DDX6: variants seen among roughly 807,000 people sequenced by gnomAD.
DDX6 encodes DEAD-box helicase 6.
DDX6 carries 7 observed loss-of-function variants against 60.6 expected under a neutral mutation model. The observed-to-expected ratio is 0.12, with a 90% CI of 0.07 to 0.22. DDX6 has a LOEUF of 0.22. DDX6 is among the 10% of genes least tolerant of loss of function. DDX6 has a pLI of 1.00. For synonymous variants in DDX6, 207 were observed against 201.0 expected (o/e 1.03, Z -0.25); for missense variants, 270 against 589.9 (o/e 0.46, Z 5.62).
At chr11:118,775,269 GCACACCATTGCACT>G (rs1397233302) in intron 4 of DDX6, among the ~76,000 whole-genome samples, 15 of 152,044 alleles carry the variant, frequency 9.9e-5, no homozygotes, top group African/African-American at 3.6e-4. Context: ...TAAGCCGAGA[GCACACCATTGCACT>G]CCAGCCTGAG....
Position 118,750,750 on chromosome 11 carries a change from G to A in DDX6, c.*1355C>T, listed in dbSNP as rs1860731748. On this transcript the variant is annotated 3_prime_UTR_variant, in exon 14 of 14. Coordinates refer to ENST00000534980, the MANE Select transcript of DDX6 (RefSeq NM_004397.6). ...AATATTCCTCAAACTTTTAGAAAGG[G>A]GGAAGAAGCAAAATCAGAGCTTCTC... The A allele has an allele frequency of 6.6e-6, 1 of 152,056 alleles. No individual in the cohort carries two copies. The highest frequency in any genetic ancestry group is 1.5e-5 in the Non-Finnish European group (1 of 68,010). The allele number at this position is 152,056 out of a possible 1,614,324, so 9.4% of individuals were successfully genotyped here.
At chr11:118,769,372 A>G (rs529717) in intron 4 of DDX6, among the ~76,000 whole-genome samples, 131,393 of 152,190 alleles carry the variant, frequency 0.86, 56,915 homozygotes, top group East Asian at 1. Context: ...TCTCTATTGA[A>G]GGTTCAATTC....
chr11:118,772,833 G>A (rs1360216475), intron 4 of DDX6, among the ~76,000 whole-genome samples: 5 of 152,090 alleles, frequency 3.3e-5, no homozygotes, highest in Non-Finnish European at 7.4e-5. Flanking sequence ...TTCCTTCTAA[G>A]GAATTACATA....
chr11:118,758,741 G>A lies in DDX6; in HGVS notation c.993+33C>T, dbSNP rs1565562410. 5.6e-6 allele frequency: 9 copies of A among 1,610,626 alleles called. No homozygotes were observed. In the South Asian group the frequency reaches 8.8e-5, roughly 16 times the overall value. On this transcript the variant is annotated intron_variant, in intron 9 of 13. Coordinates refer to ENST00000534980, the MANE Select transcript of DDX6 (RefSeq NM_004397.6). ...TCATCTGTTTTACTGGGACTCGAGAGATAATATTCAACAGCAGAAGCCTAC... is the reference window on the plus strand; with the variant it reads ...TCATCTGTTTTACTGGGACTCGAGAAATAATATTCAACAGCAGAAGCCTAC...
intron 4 of DDX6, among the ~76,000 whole-genome samples, chr11:118,769,676 A>C (rs113607538): frequency 1.3e-5 from 2 of 152,056 alleles, no homozygotes; most frequent in Non-Finnish European, 2.9e-5. Context: ...AAAAAGCTTG[A>C]TCGTTGAAAA....
intron 4 of DDX6, among the ~76,000 whole-genome samples, chr11:118,776,354 A>G (rs1362299945): frequency 6.6e-6 from 1 of 152,180 alleles, no homozygotes; most frequent in Non-Finnish European, 1.5e-5. Flanking sequence ...AGACTTATAG[A>G]TCCCAAATAA....
chr11:118,790,650 T>G (rs1591935118), intron 1 of DDX6, among the ~76,000 whole-genome samples: 1 of 152,046 alleles, frequency 6.6e-6, no homozygotes, highest in South Asian at 2.1e-4. Flanking sequence ...TCCGAGTACT[T>G]AGCCTGTTCC....
chr11:118,766,569 A>G (rs1385584552), intron 5 of DDX6, among the ~76,000 whole-genome samples: 1 of 152,158 alleles, frequency 6.6e-6, no homozygotes, highest in African/African-American at 2.4e-5. Flanking sequence ...TCCCTCAGCA[A>G]TACTATTATA....
intron 4 of DDX6, among the ~76,000 whole-genome samples, chr11:118,772,601 G>A (rs562739675): frequency 2.0e-5 from 3 of 152,132 alleles, no homozygotes; most frequent in Admixed American, 2.0e-4. Context: ...GCACTAAAAA[G>A]CATTAAATTG....
At position 118,786,064 on chromosome 11, in the gene DDX6, G is replaced by A. The variant is rs749341428; in HGVS notation, c.188C>T (p.Thr63Ile). The A allele has an allele frequency of 4.3e-6, 7 of 1,613,460 alleles. No homozygotes were observed. The highest frequency in any genetic ancestry group is 5.9e-6 in the Non-Finnish European group (7 of 1,179,674). The change falls in exon 2 of 14, where the codon ACC becomes ATC. Residue 63 changes from threonine to isoleucine, a missense_variant. Thr to Ile is a moderately conservative substitution (Grantham distance 89). Coordinates refer to ENST00000534980, the MANE Select transcript of DDX6 (RefSeq NM_004397.6). ...NGTQQQAQSMTTTIKPGDDWK... is the reference protein window; with the variant it reads ...NGTQQQAQSMITTIKPGDDWK... ...CTCTAACACTTACTTAATAGTGGTGGTCATACTCTGTGCTTGCTGCTGAGT... is the reference window on the plus strand; with the variant it reads ...CTCTAACACTTACTTAATAGTGGTGATCATACTCTGTGCTTGCTGCTGAGT...
At chr11:118,770,888 A>AC (rs1861513742) in intron 4 of DDX6, among the ~76,000 whole-genome samples, 2 of 152,038 alleles carry the variant, frequency 1.3e-5, no homozygotes, top group South Asian at 4.2e-4. Flanking sequence ...TCTCACAAAA[A>AC]AAAAAAAAAA....
chr11:118,754,590 G>A, intron 13 of DDX6, 115 bp downstream of exon 13: 3 of 854,118 alleles, frequency 3.5e-6, no homozygotes, highest in Non-Finnish European at 5.4e-6. Flanking sequence ...ATGCTAGTGG[G>A]TATTTTACCC....
intron 13 of DDX6, among the ~76,000 whole-genome samples, chr11:118,753,051 A>G (rs1216636147): frequency 6.6e-6 from 1 of 152,230 alleles, no homozygotes; most frequent in Non-Finnish European, 1.5e-5. Context: ...TATATGAGGC[A>G]GAGTTTCACT....
chr11:118,753,249 T>TG (rs1228900930), intron 13 of DDX6, among the ~76,000 whole-genome samples: 1 of 151,862 alleles, frequency 6.6e-6, no homozygotes, highest in Non-Finnish European at 1.5e-5. Context: ...AGGCTGGTCT[T>TG]GAAGTCCTGA....
chr11:118,791,597 C>T (rs1862278888), upstream of DDX6: 1 of 152,188 alleles, frequency 6.6e-6, no homozygotes, highest in South Asian at 2.1e-4. Context: ...CCCCGGGCAG[C>T]TGCTCGGGGA....
intron 9 of DDX6, among the ~76,000 whole-genome samples, chr11:118,758,397 G>C (rs1380196489): frequency 6.6e-6 from 1 of 151,884 alleles, no homozygotes; most frequent in Non-Finnish European, 1.5e-5. Context: ...TCCCAAGACG[G>C]AGTCTTGCTC....
At chr11:118,771,329 G>C (rs1861527411) in intron 4 of DDX6, among the ~76,000 whole-genome samples, 1 of 152,182 alleles carries the variant, frequency 6.6e-6, no homozygotes, top group Non-Finnish European at 1.5e-5. Context: ...TGACTGACTT[G>C]ATTAAGGCCA....
chr11:118,791,678 C>T (rs1654717434), upstream of DDX6: 2 of 152,116 alleles, frequency 1.3e-5, no homozygotes, highest in South Asian at 4.1e-4. Context: ...GCGTCCGAGC[C>T]TCTCGGGGCG....
chr11:118,782,450 T>C (rs559514206), intron 2 of DDX6, among the ~76,000 whole-genome samples: 4 of 150,374 alleles, frequency 2.7e-5, no homozygotes, highest in Non-Finnish European at 4.4e-5. Flanking sequence ...GCAGACAAAG[T>C]ATTTAACTGT....
Sources: allele counts gnomAD v4.1 joint callset (sites outside exome capture counted in the v4.1 genomes callset), GRCh38; gene constraint gnomAD v4.1.1; transcripts MANE v1.5; gene names NCBI Gene and HGNC (gene_info 2026-07-23, HGNC 2026-07-21).